Variants in VDR observed in about 807,000 individuals in gnomAD.
VDR encodes the protein vitamin D receptor.
A neutral mutation model predicts 39.7 loss-of-function variants in VDR; 19 were observed. That is an observed-to-expected ratio of 0.48 (90% CI 0.33 to 0.70). VDR has a LOEUF of 0.70. Ranked by LOEUF, VDR falls within the 30% of genes least tolerant of loss-of-function variation. VDR has a pLI of 0.02. For missense variants in VDR, 442 were observed against 570.5 expected, an observed-to-expected ratio of 0.77 and a Z score of 2.29; for synonymous variants, 242 against 215.8, an observed-to-expected ratio of 1.12 and a Z score of -1.07.
intron 1 of VDR, chr12:47,901,365 C>T (rs549864730): frequency 1.9e-5 from 3 of 155,570 alleles, no homozygotes; most frequent in South Asian, 4.1e-4. Context: ...GTCGCCACAG[C>T]GGGATGCAGG....
At chr12:47,878,510 AC>A (rs1946056111) in intron 3 of VDR, among the ~76,000 whole-genome samples, 1 of 152,218 alleles carries the variant, frequency 6.6e-6, no homozygotes, top group South Asian at 2.1e-4. Flanking sequence ...GATCGTGATG[AC>A]CCGACAAGAG....
rs762188448 is a variant in VDR, at chr12:47,844,936, G to A, written c.1094C>T (p.Thr365Met). ...GGGCGGGTGGCGGCAGCGGATGTAC[G>A]TCTGCAGTGTGTTGGACAGGCGGTC... ...IQDRLSNTLQ[T>M]YIRCRHPPPG... Residue 365 changes from threonine to methionine, a missense_variant, in exon 10 of 10, where the codon ACG (threonine) becomes ATG (methionine). Thr to Met is a moderately conservative substitution (Grantham distance 81, BLOSUM62 -1). Transcript: ENST00000549336. The A allele has an allele frequency of 9.3e-6, 15 of 1,613,938 alleles. No homozygotes were observed. The Admixed American group carries it at 1.3e-4, about 14-fold the overall frequency.
rs1945213710 is a variant in VDR at position 47,843,666 on chromosome 12, GCTCTCC to G, written c.*1074_*1079del. The G allele has an allele frequency of 6.6e-6, 1 of 152,366 alleles. No individual in the cohort carries two copies. Among genetic ancestry groups the G allele is most frequent in the African/African-American group, 2.4e-5 (1 of 41,452 alleles). The allele number at this position is 152,366 out of a possible 1,614,324, so 9.4% of individuals were successfully genotyped here. On this transcript the variant is annotated 3_prime_UTR_variant, in exon 10 of 10. Transcript: ENST00000549336. ...CTGACTAGCCACCCGAGACTGCCCC[GCTCTCC>G]CTTCCCACACTCTGGGGTGCGGCAG...
intron 3 of VDR, among the ~76,000 whole-genome samples, chr12:47,865,879 AT>A (rs1041605668): frequency 4.7e-5 from 7 of 149,076 alleles, no homozygotes; most frequent in African/African-American, 1.2e-4. Flanking sequence ...CTCCTGGCTA[AT>A]TTTTTTTTGT....
chr12:47,842,871 C>G lies in VDR; in HGVS notation c.*1875G>C, dbSNP rs1421882252. The G allele has an allele frequency of 6.6e-6, 1 of 152,160 alleles. No individual in the cohort carries two copies. Among genetic ancestry groups the G allele is most frequent in the African/African-American group, 2.4e-5 (1 of 41,420 alleles). The allele number at this position is 152,160 out of a possible 1,614,324, so 9.4% of individuals were successfully genotyped here. ...GGGGATTGACTCGTTTAGCAACTTA[C>G]AAGTGTTTTCTCCCACTGAAGAGCA... On this transcript the variant is annotated 3_prime_UTR_variant, in exon 10 of 10. Coordinates refer to ENST00000549336, the MANE Select transcript of VDR (RefSeq NM_000376.3).
rs1028900059 is a variant in VDR at position 47,857,776 on chromosome 12, T to C, written c.278-88A>G. 5 of 1,457,210 alleles carry C rather than the reference T, an allele frequency of 3.4e-6. No individual in the cohort carries two copies. In the East Asian group the frequency reaches 1.2e-4, roughly 34 times the overall value. The allele number at this position is 1,457,210 out of a possible 1,614,324, so 90.3% of individuals were successfully genotyped here. On this transcript the variant is annotated intron_variant, in intron 4 of 9. Coordinates refer to ENST00000549336, the MANE Select transcript of VDR (RefSeq NM_000376.3). ...TGCGGTTGGGGGTAAAGGTCCAAGA[T>C]AGGAGGGGCTTTAACACTCGGGGCT... is the stretch of plus-strand genomic sequence containing the variant.
intron 4 of VDR, among the ~76,000 whole-genome samples, chr12:47,859,378 C>T (rs1237661872): frequency 6.6e-6 from 1 of 152,206 alleles, no homozygotes; most frequent in East Asian, 1.9e-4. Context: ...TTTCAGACTT[C>T]ATGTCTTAGT....
In VDR at chr12:47,879,048, C is replaced by T. The variant is rs1946077391; in HGVS notation, c.66G>A (p.Arg22=). The change falls in exon 3 of 10, where the codon CGG becomes CGA. Residue 22 remains arginine (R), a synonymous_variant. Transcript: ENST00000549336. The part of the protein sequence containing the change: ...DPGDFDRNVP[R]ICGVCGDRAT... Reference sequence around the variant, plus strand: ...CTCGGTCTCCACACACCCCACAGATCCGGGGCACGTTCCGGTCAAAGTCTC... The same window carrying T: ...CTCGGTCTCCACACACCCCACAGATTCGGGGCACGTTCCGGTCAAAGTCTC... 1.2e-6 allele frequency: 2 copies of T among 1,614,092 alleles called. No homozygotes were observed. The highest frequency in any genetic ancestry group is 1.7e-5 in the Admixed American group (1 of 60,014).
chr12:47,903,440 T>A (rs1946605123), intron 1 of VDR, among the ~76,000 whole-genome samples: 1 of 152,230 alleles, frequency 6.6e-6, no homozygotes, highest in Non-Finnish European at 1.5e-5. Context: ...TGTGCAGTCT[T>A]ACTACCTTCT....
chr12:47,875,243 T>C (rs1945976267), intron 3 of VDR, among the ~76,000 whole-genome samples: 1 of 152,258 alleles, frequency 6.6e-6, no homozygotes, highest in Non-Finnish European at 1.5e-5. Context: ...TTAACTATCT[T>C]AGAAGCCAAA....
intron 2 of VDR, among the ~76,000 whole-genome samples, chr12:47,881,100 G>T (rs1946140840): frequency 3.8e-5 from 4 of 104,324 alleles, no homozygotes. Context: ...ATGTGTGTGT[G>T]TGTGTATATA....
rs757444892 is a variant in VDR, at chr12:47,844,776, C to T, written c.1254G>A (p.Val418=). ...AGATCTCATTGCCAAACACTTCGAG[C>T]ACAAGGGGCGTTAGCTTCATGCTGC... ...PECSMKLTPL[V]LEVFGNEIS Residue 418 remains valine, a synonymous_variant, in exon 10 of 10, where the codon GTG becomes GTA. Transcript: ENST00000549336. 6.8e-6 allele frequency: 11 copies of T among 1,614,164 alleles called. No homozygotes were observed. The South Asian group carries it at 1.2e-4, about 18-fold the overall frequency.
At chr12:47,859,903 TTCCTTCC>T (rs1945581067) in intron 4 of VDR, among the ~76,000 whole-genome samples, 1 of 43,736 alleles carries the variant, frequency 2.3e-5, no homozygotes, top group African/African-American at 1.4e-4. Flanking sequence ...CCTTCCTTCC[TTCCTTCC>T]TTCCTTCTTT....
At chr12:47,851,422 C>G (rs955961701) in intron 7 of VDR, among the ~76,000 whole-genome samples, 10 of 152,144 alleles carry the variant, frequency 6.6e-5, no homozygotes, top group African/African-American at 2.4e-4. Context: ...AACAGCCCAT[C>G]CAGCCCTGCC....
chr12:47,846,664 C>T lies in VDR; in HGVS notation c.900G>A (p.Val300=), dbSNP rs1050788464. The change falls in exon 8 of 10, where the codon GTG becomes GTA. Residue 300 remains valine, a synonymous_variant. Transcript: ENST00000549336. ...GGTGGAGTCTAGGCATACCTTTGGT[C>T]ACGTCACTGACGCGGTACTTGTAGT... ...NQDYKYRVSD[V]TKAGHSLELI... 8.1e-6 allele frequency: 13 copies of T among 1,613,656 alleles called. No individual in the cohort carries two copies. In the African/African-American group the frequency reaches 1.6e-4, roughly 20 times the overall value.
At chr12:47,876,824 AG>A (rs1946017502) in intron 3 of VDR, among the ~76,000 whole-genome samples, 1 of 152,172 alleles carries the variant, frequency 6.6e-6, no homozygotes, top group Non-Finnish European at 1.5e-5. Flanking sequence ...ACAGATGCAT[AG>A]CAGTCAGAGC....
rs922300599 is a variant in VDR, at chr12:47,877,183, T to G, written c.146+1785A>C. ...GAAGGATCGCTTGAGCCCAGGAGTTTGAGACCAGCCTGGGCAACATAAGGA... is the reference window on the plus strand; with the variant it reads ...GAAGGATCGCTTGAGCCCAGGAGTTGGAGACCAGCCTGGGCAACATAAGGA... On this transcript the variant is annotated intron_variant, in intron 3 of 9. Coordinates refer to ENST00000549336, the MANE Select transcript of VDR (RefSeq NM_000376.3). Among the ~76,000 whole-genome samples, 22 of 152,030 alleles carry G rather than the reference T, an allele frequency of 1.4e-4. 1 individual carries two copies. The highest frequency in any genetic ancestry group is 7.9e-4 in the Admixed American group (12 of 15,266).
chr12:47,896,354 G>A (rs1191952895), intron 1 of VDR, among the ~76,000 whole-genome samples: 1 of 152,252 alleles, frequency 6.6e-6, no homozygotes, highest in East Asian at 1.9e-4. Flanking sequence ...CAGGCACCTG[G>A]TCTACAGACA....
intron 1 of VDR, among the ~76,000 whole-genome samples, chr12:47,888,262 A>G (rs867371291): frequency 1.3e-5 from 2 of 152,196 alleles, no homozygotes; most frequent in Non-Finnish European, 2.9e-5. Context: ...GGTCCCTCCC[A>G]CAACACGTGG....
Sources: gnomAD v4.1 joint callset for allele counts (sites outside exome capture counted in the v4.1 genomes callset) on GRCh38, gnomAD v4.1.1 for gene constraint, MANE v1.5 for transcripts, NCBI Gene and HGNC (gene_info 2026-07-23, HGNC 2026-07-21) for gene names.